RNASEH1: variants seen among roughly 807,000 people sequenced by gnomAD.
RNASEH1 encodes ribonuclease H1.
RNASEH1 carries 27 observed loss-of-function variants against 34.6 expected under a neutral mutation model. The ratio of observed to expected loss-of-function variants is 0.78; its 90% CI spans 0.58 to 1.08. RNASEH1 has a LOEUF of 1.08. RNASEH1 is among the 50% of genes least tolerant of loss of function. RNASEH1 has a pLI of 0.00. For missense variants in RNASEH1, 349 were observed against 373.6 expected (o/e 0.93, Z 0.54); for synonymous variants, 162 against 138.4 (o/e 1.17, Z -1.20).
At chr2:3,558,077 G>C (rs934968647) in intron 1 of RNASEH1, 56 bp downstream of exon 1, 6 of 1,527,194 alleles carry the variant, frequency 3.9e-6, no homozygotes, top group Admixed American at 2.1e-5. Flanking sequence ...GCCGGGCTCC[G>C]GCCTCCCTCG....
rs748530943 is a variant in RNASEH1 at position 3,549,055 on chromosome 2, T to C, written c.564+3A>G. The C allele has an allele frequency of 6.8e-6, 11 of 1,611,514 alleles. No homozygotes were observed. The South Asian group carries it at 1.2e-4, about 18-fold the overall frequency. ...AGAGGCTTAAACGTATCTGATAACT[T>C]ACATGAATTTCCGCTCTTTGGTTTG... On this transcript the variant is annotated splice_donor_region_variant and intron_variant, in intron 5 of 7. Transcript: ENST00000315212.
Position 3,547,973 on chromosome 2 carries a change from A to G in RNASEH1, c.732T>C (p.Phe244=). 2 of 1,613,946 alleles carry G rather than the reference A, an allele frequency of 1.2e-6. No individual in the cohort carries two copies. Among genetic ancestry groups the G allele is most frequent in the South Asian group, 1.1e-5 (1 of 91,074 alleles). The change falls in exon 7 of 8, where the codon TTT becomes TTC. Residue 244 remains phenylalanine (F), a synonymous_variant. Coordinates refer to ENST00000315212, the MANE Select transcript of RNASEH1 (RefSeq NM_002936.6). ...CCTGGGTAAGCCTCTCCAGTGCCACAAAGTCCTCTTTGTTGATCACCTCTT... is the reference window on the plus strand; with the variant it reads ...CCTGGGTAAGCCTCTCCAGTGCCACGAAGTCCTCTTTGTTGATCACCTCTT... ...AGKEVINKED[F]VALERLTQGM...
At chr2:3,557,871 A>G (rs1188542162) in intron 1 of RNASEH1, 1 of 1,476,036 alleles carries the variant, frequency 6.8e-7, no homozygotes, top group African/African-American at 1.4e-5. Flanking sequence ...GATTAAACAC[A>G]GGGTTTATTA....
rs1392001496 is a variant in RNASEH1 at position 3,543,590 on chromosome 2, C to T, written c.*2195G>A. 4.6e-5 allele frequency among the ~76,000 whole-genome samples: 7 copies of T among 152,032 alleles called. No individual in the cohort carries two copies. The highest frequency in any genetic ancestry group is 4.6e-4 in the Admixed American group (7 of 15,254). On this transcript the variant is annotated 3_prime_UTR_variant, in exon 8 of 8. Coordinates refer to ENST00000315212, the MANE Select transcript of RNASEH1 (RefSeq NM_002936.6). The stretch of plus-strand genomic sequence containing the variant: ...AGATAAAAATCACAACGGATTGAAA[C>T]CCACCAAGTATGCTTAACTCCACAA...
In RNASEH1 at chr2:3,550,279, G is replaced by T; in HGVS notation, c.509+94C>A. ...CCCTGCCAGAGCTACTTATCTGCAG[G>T]TTTTCCCAATAATCAAACAATGAGC... On this transcript the variant is annotated intron_variant, in intron 4 of 7. Coordinates refer to ENST00000315212, the MANE Select transcript of RNASEH1 (RefSeq NM_002936.6). 2.8e-6 allele frequency: 3 copies of T among 1,077,062 alleles called. No homozygotes were observed. The South Asian group carries it at 3.7e-5, about 13-fold the overall frequency. 66.7% of individuals were successfully genotyped at this position (1,077,062 alleles called of 1,614,324 possible).
At chr2:3,533,488 C>T in the RNASEH1 span, 1 of 152,250 alleles carries the variant, frequency 6.6e-6, no homozygotes, top group African/African-American at 2.4e-5. Flanking sequence ...TACGAGTCGG[C>T]TCAGGCACAC....
intron 2 of RNASEH1, among the ~76,000 whole-genome samples, chr2:3,554,878 T>C (rs545192788): frequency 6.6e-6 from 1 of 152,184 alleles, no homozygotes; most frequent in Non-Finnish European, 1.5e-5. Context: ...GGTAGAAAAA[T>C]GAACAGCTGT....
Position 3,541,715 on chromosome 2 carries a change from G to T in RNASEH1, c.*4070C>A. On this transcript the variant is annotated 3_prime_UTR_variant, in exon 8 of 8. Coordinates refer to ENST00000315212, the MANE Select transcript of RNASEH1 (RefSeq NM_002936.6). The stretch of plus-strand genomic sequence containing the variant: ...GTGGTTGCCTGAACATGGAGGACAC[G>T]AGGGACGGTTTAGACCGGGGTGTGA... 6.6e-6 allele frequency among the ~76,000 whole-genome samples: 1 copy of T among 152,366 alleles called. No individual in the cohort carries two copies. Among genetic ancestry groups the T allele is most frequent in the Middle Eastern group, 3.4e-3 (1 of 294 alleles).
chr2:3,557,398 GTCAAAC>G (rs1209239971), intron 1 of RNASEH1, among the ~76,000 whole-genome samples: 3 of 152,158 alleles, frequency 2.0e-5, no homozygotes, highest in Non-Finnish European at 4.4e-5. Context: ...TAAGGCTTTC[GTCAAAC>G]TCAAAGCATA....
In RNASEH1 at chr2:3,543,105, G is replaced by A. The variant is rs1321594997; in HGVS notation, c.*2680C>T. On this transcript the variant is annotated 3_prime_UTR_variant, in exon 8 of 8. Transcript: ENST00000315212. Reference sequence around the variant, plus strand: ...AAGCAAACTGGGACCTGACTTGAGAGTACACTTCTGTAACAAGCAGCAGAG... The same window carrying A: ...AAGCAAACTGGGACCTGACTTGAGAATACACTTCTGTAACAAGCAGCAGAG... Among the ~76,000 whole-genome samples the A allele has an allele frequency of 6.6e-6, 1 of 152,180 alleles. No individual in the cohort carries two copies. The highest frequency in any genetic ancestry group is 2.4e-5 in the African/African-American group (1 of 41,446).
At chr2:3,537,076 G>A (rs1166675114), downstream of RNASEH1, among the ~76,000 whole-genome samples, 6 of 152,198 alleles carry the variant, frequency 3.9e-5, no homozygotes, top group South Asian at 6.2e-4. Context: ...ATGAATTTTG[G>A]GGGATCCATT....
the RNASEH1 span, among the ~76,000 whole-genome samples, chr2:3,535,143 C>T: frequency 0.012 from 1,817 of 152,144 alleles, 51 homozygotes; most frequent in East Asian, 0.07. Flanking sequence ...ATGGGCTGGC[C>T]GCAGTGGTTC....
At position 3,558,255 on chromosome 2, in the gene RNASEH1, G is replaced by A. The variant is rs1223780346; in HGVS notation, c.6C>T (p.Ser2=). M[S]WLLFLAHRVA... Reference sequence around the variant, plus strand: ...CTCTGTGGGCCAGGAACAGAAGCCAGCTCATCGCTCACTCCCGGCACCGGG... The same window carrying A: ...CTCTGTGGGCCAGGAACAGAAGCCAACTCATCGCTCACTCCCGGCACCGGG... Residue 2 remains serine, a synonymous_variant, in exon 1 of 8, where the codon AGC becomes AGT. Transcript: ENST00000315212. 3 of 1,583,860 alleles carry A rather than the reference G, an allele frequency of 1.9e-6. No individual in the cohort carries two copies. Among genetic ancestry groups the A allele is most frequent in the South Asian group, 1.1e-5 (1 of 87,254 alleles).
rs540468125 is a variant in RNASEH1 at position 3,541,774 on chromosome 2, G to C, written c.*4011C>G. On this transcript the variant is annotated 3_prime_UTR_variant, in exon 8 of 8. Coordinates refer to ENST00000315212, the MANE Select transcript of RNASEH1 (RefSeq NM_002936.6). ...TTGGTGGTGATGGACATGTTCTGGCGACAGCTTCACAGGCAAATGCATCGG... is the reference window on the plus strand; with the variant it reads ...TTGGTGGTGATGGACATGTTCTGGCCACAGCTTCACAGGCAAATGCATCGG... 6.6e-6 allele frequency among the ~76,000 whole-genome samples: 1 copy of C among 152,204 alleles called. No homozygotes were observed.
chr2:3,552,368 G>C (rs1572322171), intron 2 of RNASEH1, 60 bp from the exon 3 acceptor site: 2 of 1,484,254 alleles, frequency 1.3e-6, no homozygotes, highest in Non-Finnish European at 1.9e-6. Context: ...AAATGCTAGA[G>C]AATGAAGACA....
At chr2:3,538,948 C>T (rs548245799), downstream of RNASEH1, among the ~76,000 whole-genome samples, 24 of 152,256 alleles carry the variant, frequency 1.6e-4, 1 homozygote, top group African/African-American at 5.8e-4. Context: ...TCTGCATTCT[C>T]TCGTGAGTAA....
Position 3,557,827 on chromosome 2 carries a change from T to A in RNASEH1, c.128+306A>T, listed in dbSNP as rs988180801. 15 of 1,347,610 alleles carry A rather than the reference T, an allele frequency of 1.1e-5. No homozygotes were observed. In the Admixed American group the frequency reaches 1.5e-4, roughly 14 times the overall value. The allele number at this position is 1,347,610 out of a possible 1,614,324, so 83.5% of individuals were successfully genotyped here. A position where few individuals can be genotyped will look rare whatever the true frequency, so the allele number is the denominator to read the frequency against. ...GGGGTTCGTTCTGATTACGTGTCAC[T>A]TTTTGTTGCACTTTAACTGCAACAA... is the stretch of plus-strand genomic sequence containing the variant. On this transcript the variant is annotated intron_variant, in intron 1 of 7. Transcript: ENST00000315212.
At chr2:3,546,000 C>A (rs1668714985) in intron 7 of RNASEH1, 129 bp from the exon 8 acceptor site, 6 of 685,470 alleles carry the variant, frequency 8.8e-6, no homozygotes, top group East Asian at 2.7e-5. Context: ...CGCTCCTCTC[C>A]CCAGACATGA....
At chr2:3,539,628 A>C (rs1448824678), downstream of RNASEH1, among the ~76,000 whole-genome samples, 1 of 152,156 alleles carries the variant, frequency 6.6e-6, no homozygotes, top group East Asian at 1.9e-4. Flanking sequence ...GAACTGAGGA[A>C]CCACGACCAC....
Sources: allele counts gnomAD v4.1 joint callset (sites outside exome capture counted in the v4.1 genomes callset), GRCh38; gene constraint gnomAD v4.1.1; transcripts MANE v1.5; gene names NCBI Gene and HGNC (gene_info 2026-07-23, HGNC 2026-07-21).